Variants in GPHN observed in about 807,000 individuals in gnomAD.
GPHN encodes gephyrin.
GPHN carries 17 observed loss-of-function variants against 95.5 expected under a neutral mutation model. That is an observed-to-expected ratio of 0.18 (90% CI 0.12 to 0.27). GPHN has a LOEUF of 0.27. GPHN is among the 10% of genes least tolerant of loss of function. The pLI is 1.00. For missense variants in GPHN, 660 were observed against 978.1 expected, an observed-to-expected ratio of 0.67 and a Z score of 4.34; for synonymous variants, 320 against 322.5, an observed-to-expected ratio of 0.99 and a Z score of 0.08.
chr14:66,778,048 A>G (rs909617906), intron 3 of GPHN, among the ~76,000 whole-genome samples: 4 of 152,202 alleles, frequency 2.6e-5, no homozygotes, highest in African/African-American at 7.2e-5. Context: ...CTGTTTGCAG[A>G]CGACATGATT....
chr14:67,345,029 C>G, the GPHN span, among the ~76,000 whole-genome samples: 6 of 151,450 alleles, frequency 4.0e-5, no homozygotes, highest in Non-Finnish European at 8.8e-5. Context: ...ATTACTTGAG[C>G]CCAGGAGTTC....
the GPHN span, among the ~76,000 whole-genome samples, chr14:67,406,259 A>AAC: frequency 3.8e-5 from 3 of 79,004 alleles, no homozygotes; most frequent in Non-Finnish European, 5.5e-5. Flanking sequence ...ATTCCATCTC[A>AAC]AAAAAAAAAA....
the GPHN span, chr14:67,724,743 C>T: frequency 2.8e-6 from 2 of 706,476 alleles, no homozygotes; most frequent in Non-Finnish European, 5.2e-6. Context: ...ACTGTGACAC[C>T]AACTTACACT....
intron 1 of GPHN, among the ~76,000 whole-genome samples, chr14:66,675,277 G>A (rs554372349): frequency 2.0e-5 from 3 of 151,706 alleles, no homozygotes; most frequent in African/African-American, 4.8e-5. Flanking sequence ...CTGAGTAGCT[G>A]GGGACTATAG....
At chr14:67,308,701 G>A in the GPHN span, among the ~76,000 whole-genome samples, 4 of 151,706 alleles carry the variant, frequency 2.6e-5, no homozygotes, top group Admixed American at 1.3e-4. Context: ...ACCCTGTACC[G>A]TGTACAAGTA....
the GPHN span, chr14:67,586,364 C>G: frequency 7.1e-7 from 1 of 1,405,612 alleles, no homozygotes; most frequent in Non-Finnish European, 9.4e-7. Flanking sequence ...TTTATTCTCT[C>G]AAGCCCCAGC....
intron 18 of GPHN, among the ~76,000 whole-genome samples, chr14:67,154,163 C>T (rs1220770443): frequency 6.6e-6 from 1 of 152,202 alleles, no homozygotes; most frequent in Non-Finnish European, 1.5e-5. Flanking sequence ...CATCCATTGC[C>T]TTTTCAGTTC....
intron 1 of GPHN, among the ~76,000 whole-genome samples, chr14:66,556,528 A>C (rs912844984): frequency 1.3e-5 from 2 of 152,176 alleles, no homozygotes; most frequent in African/African-American, 2.4e-5. Context: ...AACAACTAGG[A>C]ATATCCAAAT....
At chr14:66,836,372 G>A (rs1410492524) in intron 4 of GPHN, among the ~76,000 whole-genome samples, 1 of 143,802 alleles carries the variant, frequency 7.0e-6, no homozygotes, top group Non-Finnish European at 1.5e-5. Flanking sequence ...AATGGTGCTG[G>A]GAAAACTGGC....
At chr14:67,621,420 GAACT>G in the GPHN span, among the ~76,000 whole-genome samples, 1 of 151,722 alleles carries the variant, frequency 6.6e-6, no homozygotes, top group Non-Finnish European at 1.5e-5. Flanking sequence ...ATCTTATATA[GAACT>G]AATAGGCTTA....
chr14:67,063,163 T>A (rs2075893756), intron 11 of GPHN, among the ~76,000 whole-genome samples: 1 of 152,234 alleles, frequency 6.6e-6, no homozygotes, highest in Non-Finnish European at 1.5e-5. Flanking sequence ...CTAGCCAGTT[T>A]TCCCAGCACC....
the GPHN span, chr14:67,695,730 C>A: frequency 6.2e-7 from 1 of 1,610,174 alleles, no homozygotes; most frequent in Non-Finnish European, 8.5e-7. Flanking sequence ...GGCACCAGAG[C>A]GGGATGCTCC....
chr14:66,919,028 T>C (rs528400918), intron 6 of GPHN, among the ~76,000 whole-genome samples: 1 of 152,330 alleles, frequency 6.6e-6, no homozygotes, highest in East Asian at 1.9e-4. Context: ...TTTAGGTTCT[T>C]ACCTATTCTC....
the GPHN span, chr14:67,569,690 T>A: frequency 1.8e-6 from 1 of 567,376 alleles, no homozygotes; most frequent in African/African-American, 1.9e-5. Context: ...GAGGAAAAAA[T>A]GGTTAAAGGT....
At chr14:67,687,691 G>C in the GPHN span, among the ~76,000 whole-genome samples, 1 of 151,414 alleles carries the variant, frequency 6.6e-6, no homozygotes, top group African/African-American at 2.4e-5. Context: ...GGCTGGTCTT[G>C]AACTCCTGAC....
At chr14:67,317,674 A>T in the GPHN span, among the ~76,000 whole-genome samples, 46 of 152,332 alleles carry the variant, frequency 3.0e-4, no homozygotes, top group African/African-American at 9.6e-4. Flanking sequence ...ACTATTTAGC[A>T]TATGTAGTAT....
chr14:67,330,975 CCA>C, the GPHN span, among the ~76,000 whole-genome samples: 4 of 151,992 alleles, frequency 2.6e-5, no homozygotes, highest in Non-Finnish European at 5.9e-5. Flanking sequence ...GATGTGTATT[CCA>C]CAGTTTTTGG....
rs529942773 is a variant in GPHN, at chr14:67,043,730, C to G, written c.1007-14919C>G. Among the ~76,000 whole-genome samples, 10 of 152,176 alleles carry G rather than the reference C, an allele frequency of 6.6e-5. 1 individual carries two copies. In the South Asian group the frequency reaches 1.7e-3, roughly 25 times the overall value. On this transcript the variant is annotated intron_variant, in intron 10 of 22. Coordinates refer to ENST00000478722, the MANE Select transcript of GPHN (RefSeq NM_020806.5). ...GCCAGGTTTTGGTATCAGGATGATG[C>G]TGGCCTCATAAAATGAGTTGGGGGG...
At chr14:66,647,560 T>C (rs1276956993) in intron 1 of GPHN, among the ~76,000 whole-genome samples, 1 of 151,992 alleles carries the variant, frequency 6.6e-6, no homozygotes, top group African/African-American at 2.4e-5. Flanking sequence ...TGTATATACC[T>C]TGTTTTTTCA....
Sources: allele counts gnomAD v4.1 joint callset (sites outside exome capture counted in the v4.1 genomes callset), GRCh38; gene constraint gnomAD v4.1.1; transcripts MANE v1.5; gene names NCBI Gene and HGNC (gene_info 2026-07-23, HGNC 2026-07-21).